The following RNF180 variants were observed in gnomAD, a reference collection of about 807,000 sequenced individuals.
The protein encoded by RNF180 is E3 ubiquitin-protein ligase RNF180.
A neutral mutation model predicts 59.2 loss-of-function variants in RNF180; 38 were observed. The observed-to-expected ratio is 0.64, with a 90% CI of 0.50 to 0.84. The LOEUF (loss-of-function observed/expected upper bound fraction) is 0.84. Among genes scored for constraint, RNF180 ranks in the 40% least tolerant of loss-of-function variants. The probability of loss-of-function intolerance (pLI) is 0.00; values close to 1 mark genes in which losing one functional copy is unlikely to be tolerated. For synonymous variants in RNF180, 262 were observed against 240.3 expected, an observed-to-expected ratio of 1.09 and a Z score of -0.84; for missense variants, 705 against 700.9, an observed-to-expected ratio of 1.01 and a Z score of -0.07.
chr5:64,277,178 TA>T lies in RNF180; in HGVS notation c.1228-47996del, dbSNP rs1191379408. Reference sequence around the variant, plus strand: ...CCTAATACAATAGGATGGGTGGTCTTAAAAAAAAAAAAGGGGAAAAAAAAAA... The same window carrying T: ...CCTAATACAATAGGATGGGTGGTCTTAAAAAAAAAAAGGGGAAAAAAAAAA... On this transcript the variant is annotated intron_variant, in intron 5 of 7. Transcript: ENST00000389100. Among the ~76,000 whole-genome samples the T allele has an allele frequency of 4.9e-3, 548 of 112,370 alleles. 3 individuals carry two copies. The highest frequency in any genetic ancestry group is 0.014 in the African/African-American group (403 of 29,588). 73.7% of individuals were successfully genotyped at this position (112,370 alleles called of 152,430 possible). A position where few individuals can be genotyped will look rare whatever the true frequency, so the allele number is the denominator to read the frequency against.
At position 64,196,295 on chromosome 5, in the gene RNF180, T is replaced by C. The variant is rs116470784; in HGVS notation, c.1-4513T>C. 3.1e-3 allele frequency among the ~76,000 whole-genome samples: 476 copies of C among 152,226 alleles called. 1 individual carries two copies. Among genetic ancestry groups the C allele is most frequent in the African/African-American group, 0.011 (466 of 41,548 alleles). On this transcript the variant is annotated intron_variant, in intron 1 of 7. Coordinates refer to ENST00000389100, the MANE Select transcript of RNF180 (RefSeq NM_001113561.2). Reference sequence around the variant, plus strand: ...AATTTGAATAATAGGGCAAATAGCATCATTATGTTCTCCCTGATTTTAATG... The same window carrying C: ...AATTTGAATAATAGGGCAAATAGCACCATTATGTTCTCCCTGATTTTAATG...
At chr5:64,318,718 G>A (rs1384763879) in intron 5 of RNF180, among the ~76,000 whole-genome samples, 3 of 152,072 alleles carry the variant, frequency 2.0e-5, no homozygotes, top group Admixed American at 2.0e-4. Flanking sequence ...AATAATAAAT[G>A]TATCATACTG....
intron 5 of RNF180, among the ~76,000 whole-genome samples, chr5:64,309,459 C>T (rs900809172): frequency 4.6e-5 from 7 of 151,476 alleles, no homozygotes; most frequent in East Asian, 1.9e-4. Flanking sequence ...TTTTCTTTCC[C>T]GTTTCTTCCT....
At chr5:64,287,701 G>A (rs1356252609) in intron 5 of RNF180, among the ~76,000 whole-genome samples, 1 of 152,028 alleles carries the variant, frequency 6.6e-6, no homozygotes, top group Admixed American at 6.6e-5. Context: ...TCATATGTTT[G>A]TTGGCCACGT....
At chr5:64,322,644 G>A (rs1013922743) in intron 5 of RNF180, among the ~76,000 whole-genome samples, 3 of 112,886 alleles carry the variant, frequency 2.7e-5, no homozygotes, top group Non-Finnish European at 3.7e-5. Flanking sequence ...TGTGTATAAC[G>A]GAATACCATT....
chr5:64,201,960 C>T (rs1313821987), intron 2 of RNF180, among the ~76,000 whole-genome samples: 2 of 152,078 alleles, frequency 1.3e-5, no homozygotes, highest in South Asian at 2.1e-4. Flanking sequence ...AGGCTGGTCT[C>T]GAACCGAATA....
chr5:64,270,850 T>G (rs186992059), intron 5 of RNF180, among the ~76,000 whole-genome samples: 101 of 152,250 alleles, frequency 6.6e-4, no homozygotes, highest in African/African-American at 2.2e-3. Flanking sequence ...GAAATTCAAA[T>G]AATTTTAATG....
At chr5:64,282,493 C>T (rs998912862) in intron 5 of RNF180, among the ~76,000 whole-genome samples, 4 of 152,040 alleles carry the variant, frequency 2.6e-5, no homozygotes, top group Non-Finnish European at 4.4e-5. Context: ...GATCAAACTT[C>T]TTGTTTTGTT....
intron 5 of RNF180, among the ~76,000 whole-genome samples, chr5:64,226,423 C>A (rs920827942): frequency 2.0e-4 from 30 of 152,116 alleles, no homozygotes; most frequent in African/African-American, 6.3e-4. Flanking sequence ...GGATTAAGGG[C>A]GGTGCAAGAT....
chr5:64,312,006 G>T (rs563376948), intron 5 of RNF180, among the ~76,000 whole-genome samples: 2 of 152,100 alleles, frequency 1.3e-5, no homozygotes, highest in East Asian at 3.9e-4. Flanking sequence ...AGTTGCAGCT[G>T]CCAGAGCCAT....
intron 1 of RNF180, among the ~76,000 whole-genome samples, chr5:64,189,306 G>A (rs1277263750): frequency 6.6e-6 from 1 of 152,070 alleles, no homozygotes; most frequent in African/African-American, 2.4e-5. Flanking sequence ...GGTAACATAT[G>A]GAGGCTGGAA....
chr5:64,178,460 G>A (rs982691840), intron 1 of RNF180, among the ~76,000 whole-genome samples: 1 of 152,158 alleles, frequency 6.6e-6, no homozygotes, highest in Non-Finnish European at 1.5e-5. Context: ...CTGGAATGTG[G>A]AGCAAAGAAT....
chr5:64,292,544 G>A (rs1194887737), intron 5 of RNF180, among the ~76,000 whole-genome samples: 1 of 152,156 alleles, frequency 6.6e-6, no homozygotes, highest in Non-Finnish European at 1.5e-5. Context: ...TTTCTGGCTT[G>A]GATGCTCCTG....
chr5:64,325,798 A>G (rs1400414587), intron 6 of RNF180, among the ~76,000 whole-genome samples: 1 of 152,162 alleles, frequency 6.6e-6, no homozygotes, highest in Non-Finnish European at 1.5e-5. Flanking sequence ...ATCCGTAAAT[A>G]TCTAAGTACA....
At chr5:64,328,710 G>C (rs1343255299) in intron 6 of RNF180, among the ~76,000 whole-genome samples, 1 of 152,148 alleles carries the variant, frequency 6.6e-6, no homozygotes, top group Admixed American at 6.5e-5. Flanking sequence ...TAAACTTTGT[G>C]AATCAGTTTT....
rs749573190 is a variant in RNF180, at chr5:64,200,804, G to T, written c.1-4G>T. On this transcript the variant is annotated splice_region_variant and splice_polypyrimidine_tract_variant and intron_variant, in intron 1 of 7. Coordinates refer to ENST00000389100, the MANE Select transcript of RNF180 (RefSeq NM_001113561.2). ...ATTCTAAAAATGCACTAATGTTTCC[G>T]CAGATGAAAAGAAGCAAAGAATTGA... 1 of 1,609,354 alleles carries T rather than the reference G, an allele frequency of 6.2e-7. No individual in the cohort carries two copies. Among genetic ancestry groups the T allele is most frequent in the South Asian group, 1.1e-5 (1 of 90,756 alleles).
At chr5:64,285,718 T>G (rs1320853456) in intron 5 of RNF180, among the ~76,000 whole-genome samples, 1 of 147,724 alleles carries the variant, frequency 6.8e-6, no homozygotes, top group Non-Finnish European at 1.5e-5. Flanking sequence ...GATTGGACTA[T>G]CTCTGTCCTA....
chr5:64,193,756 T>C (rs1477814565), intron 1 of RNF180, among the ~76,000 whole-genome samples: 1 of 152,240 alleles, frequency 6.6e-6, no homozygotes, highest in African/African-American at 2.4e-5. Flanking sequence ...TGGTGATAGA[T>C]AAGTAATCCC....
chr5:64,230,813 T>C (rs1324918457), intron 5 of RNF180, among the ~76,000 whole-genome samples: 1 of 152,210 alleles, frequency 6.6e-6, no homozygotes. Context: ...CTAGAAAAAT[T>C]AGTGTTTTCT....
Sources: allele counts gnomAD v4.1 joint callset (sites outside exome capture counted in the v4.1 genomes callset), GRCh38; gene constraint gnomAD v4.1.1; transcripts MANE v1.5; gene names NCBI Gene and HGNC (gene_info 2026-07-23, HGNC 2026-07-21).